The following PCDH11X variants were observed in gnomAD, a reference collection of about 807,000 sequenced individuals.
PCDH11X encodes the protein protocadherin-11 X-linked.
PCDH11X carries 18 observed loss-of-function variants against 53.3 expected under a neutral mutation model. The observed-to-expected ratio is 0.34, with a 90% confidence interval of 0.23 to 0.50. The LOEUF is 0.50. Ranked by LOEUF, PCDH11X falls within the 20% of genes least tolerant of loss-of-function variation. The probability of loss-of-function intolerance (pLI) is 0.98; values close to 1 mark genes in which losing one functional copy is unlikely to be tolerated. For synonymous variants in PCDH11X, 279 were observed against 393.3 expected (o/e 0.71, Z 3.44); for missense variants, 570 against 1,032.4 (o/e 0.55, Z 6.14).
chrX:92,165,213 A>T (rs1347525913), intron 6 of PCDH11X, among the ~76,000 whole-genome samples: 2 of 112,071 alleles, frequency 1.8e-5, no homozygotes, highest in African/African-American at 6.5e-5. Context: ...CATTCTTGGC[A>T]TATATTGAAC....
In PCDH11X at chrX:91,835,627, C is replaced by T; in HGVS notation, c.123C>T (p.Gly41=). The part of the protein sequence containing the change: ...REEMPENVLI[G]DLLKDLNLSL... ...AAATGCCAGAAAACGTCCTGATAGGCGACTTGTTGAAAGACCTTAACTTGT... is the reference window on the plus strand; with the variant it reads ...AAATGCCAGAAAACGTCCTGATAGGTGACTTGTTGAAAGACCTTAACTTGT... The change falls in exon 5 of 11, where the codon GGC becomes GGT. Residue 41 remains glycine, a synonymous_variant. Transcript: ENST00000682573. 1.7e-6 allele frequency: 2 copies of T among 1,210,992 alleles called. No individual in the cohort carries two copies. Among genetic ancestry groups the T allele is most frequent in the East Asian group, 3.0e-5 (1 of 33,800 alleles).
chrX:91,798,956 T>C (rs1246895546), intron 1 of PCDH11X, among the ~76,000 whole-genome samples: 1 of 110,888 alleles, frequency 9.0e-6, no homozygotes, highest in East Asian at 2.8e-4. Flanking sequence ...AATTATATAA[T>C]AAATCATAAA....
chrX:92,014,702 G>A (rs1254346769), intron 6 of PCDH11X, among the ~76,000 whole-genome samples: 1 of 112,119 alleles, frequency 8.9e-6, no homozygotes, highest in Admixed American at 9.5e-5. Flanking sequence ...ATACTATGCA[G>A]CCATAAAAAA....
chrX:92,598,217 G>C (rs1165898507), intron 10 of PCDH11X, among the ~76,000 whole-genome samples: 3 of 110,648 alleles, frequency 2.7e-5, no homozygotes, highest in Non-Finnish European at 5.7e-5. Context: ...CTTCTGCACA[G>C]CAAATAAAAC....
chrX:92,146,820 G>A (rs994373084), intron 6 of PCDH11X, among the ~76,000 whole-genome samples: 2 of 110,268 alleles, frequency 1.8e-5, no homozygotes, highest in Non-Finnish European at 3.8e-5. Flanking sequence ...CCAGCAAGGC[G>A]AAACCCCATC....
chrX:92,117,626 C>G (rs2064667907), intron 6 of PCDH11X, among the ~76,000 whole-genome samples: 1 of 111,067 alleles, frequency 9.0e-6, no homozygotes, highest in African/African-American at 3.3e-5. Flanking sequence ...AATTTTTAAT[C>G]TAGAGGTTTA....
chrX:92,285,310 A>G (rs2148449842), intron 8 of PCDH11X, among the ~76,000 whole-genome samples: 1 of 96,074 alleles, frequency 1.0e-5, no homozygotes, highest in Admixed American at 1.3e-4. Context: ...CTGGAGTGCA[A>G]TGGCGCGATC....
At chrX:92,193,940 C>T (rs1350530263) in intron 6 of PCDH11X, among the ~76,000 whole-genome samples, 2 of 111,780 alleles carry the variant, frequency 1.8e-5, no homozygotes, top group Non-Finnish European at 3.8e-5. Flanking sequence ...TGCACAACTG[C>T]TATATCTGAA....
intron 6 of PCDH11X, among the ~76,000 whole-genome samples, chrX:92,101,440 G>A (rs1050882935): frequency 3.6e-5 from 4 of 111,611 alleles, no homozygotes; most frequent in African/African-American, 1.3e-4. Flanking sequence ...TGAGCTTGGT[G>A]AGGTGTGTTT....
intron 9 of PCDH11X, among the ~76,000 whole-genome samples, chrX:92,442,846 G>A (rs756917844): frequency 1.8e-5 from 2 of 109,662 alleles, no homozygotes; most frequent in African/African-American, 6.7e-5. Flanking sequence ...TCCATGTCTT[G>A]TTATTGTGAA....
intron 8 of PCDH11X, among the ~76,000 whole-genome samples, chrX:92,315,218 T>C (rs1049907057): frequency 3.6e-5 from 4 of 112,252 alleles, no homozygotes; most frequent in African/African-American, 1.3e-4. Context: ...CTCTATGTCT[T>C]ATTAAGATAT....
At chrX:92,484,274 TG>T (rs1306950337) in intron 10 of PCDH11X, among the ~76,000 whole-genome samples, 12 of 99,428 alleles carry the variant, frequency 1.2e-4, no homozygotes, top group Non-Finnish European at 1.8e-4. Flanking sequence ...TATATGTGTA[TG>T]TATATATATG....
At chrX:91,853,805 A>G (rs1368023139) in intron 5 of PCDH11X, among the ~76,000 whole-genome samples, 1 of 111,777 alleles carries the variant, frequency 8.9e-6, no homozygotes, top group African/African-American at 3.2e-5. Flanking sequence ...AATTGTTCTT[A>G]GCTCTTGAAT....
chrX:92,433,933 G>A (rs995157960), intron 9 of PCDH11X, among the ~76,000 whole-genome samples: 2 of 110,329 alleles, frequency 1.8e-5, no homozygotes, highest in Non-Finnish European at 1.9e-5. Context: ...TGAACACACA[G>A]TAGCCTTCCT....
intron 8 of PCDH11X, among the ~76,000 whole-genome samples, chrX:92,343,008 G>C (rs2069802405): frequency 1.8e-5 from 2 of 112,180 alleles, no homozygotes; most frequent in African/African-American, 6.5e-5. Flanking sequence ...GACCAAACAT[G>C]AGAATATTTC....
intron 6 of PCDH11X, among the ~76,000 whole-genome samples, chrX:91,922,526 G>A (rs763652319): frequency 8.9e-6 from 1 of 111,806 alleles, no homozygotes; most frequent in South Asian, 3.7e-4. Context: ...AAGAAATGAA[G>A]CTTCGTCTGT....
intron 6 of PCDH11X, among the ~76,000 whole-genome samples, chrX:92,090,897 G>C (rs2148118481): frequency 8.9e-6 from 1 of 112,193 alleles, no homozygotes; most frequent in South Asian, 3.7e-4. Flanking sequence ...CGTGAGAGCA[G>C]TTCATTATGT....
At chrX:91,822,928 T>C (rs1936750257) in intron 4 of PCDH11X, among the ~76,000 whole-genome samples, 1 of 111,163 alleles carries the variant, frequency 9.0e-6, no homozygotes, top group Non-Finnish European at 1.9e-5. Flanking sequence ...GATTTCGTTA[T>C]GTACCCAGTA....
At chrX:92,058,200 G>A (rs1486412102) in intron 6 of PCDH11X, among the ~76,000 whole-genome samples, 2 of 108,639 alleles carry the variant, frequency 1.8e-5, no homozygotes, top group Non-Finnish European at 3.8e-5. Flanking sequence ...GGAAGGGCTG[G>A]TGGTGCAAGA....
Sources: allele counts gnomAD v4.1 joint callset (sites outside exome capture counted in the v4.1 genomes callset), GRCh38; gene constraint gnomAD v4.1.1; transcripts MANE v1.5; gene names NCBI Gene and HGNC (gene_info 2026-07-23, HGNC 2026-07-21).